SIM2: variants seen among roughly 807,000 people sequenced by gnomAD.
The protein encoded by SIM2 is SIM bHLH transcription factor 2, also known as single-minded homolog 2.
In SIM2, 28 loss-of-function variants were observed where a neutral mutation model predicts 64.8. The observed-to-expected ratio is 0.43, with a 90% CI of 0.32 to 0.59. SIM2 has a LOEUF of 0.59. Ranked by LOEUF, SIM2 falls within the 20% of genes least tolerant of loss-of-function variation. The probability of loss-of-function intolerance (pLI) is 0.07; values close to 1 mark genes in which losing one functional copy is unlikely to be tolerated. For synonymous variants in SIM2, 408 were observed against 391.1 expected (o/e 1.04, Z -0.51); for missense variants, 847 against 871.4 (o/e 0.97, Z 0.35).
intron 6 of SIM2, among the ~76,000 whole-genome samples, chr21:36,727,381 T>G (rs2123466529): frequency 6.6e-6 from 1 of 152,278 alleles, no homozygotes; most frequent in South Asian, 2.1e-4. Flanking sequence ...CTGCGTTTGG[T>G]TTTCAGGGTT....
chr21:36,732,502 C>T (rs1051877993), intron 7 of SIM2, among the ~76,000 whole-genome samples: 3 of 152,162 alleles, frequency 2.0e-5, no homozygotes, highest in Admixed American at 1.3e-4. Flanking sequence ...CCCGGGAACT[C>T]GATACTCCCA....
At chr21:36,722,681 T>TCA (rs1218531484) in intron 4 of SIM2, among the ~76,000 whole-genome samples, 2 of 152,116 alleles carry the variant, frequency 1.3e-5, no homozygotes, top group African/African-American at 2.4e-5. Flanking sequence ...AAGCCTTGGG[T>TCA]CACACACACT....
At chr21:36,704,400 C>A (rs1035103620) in intron 1 of SIM2, among the ~76,000 whole-genome samples, 7 of 152,252 alleles carry the variant, frequency 4.6e-5, no homozygotes, top group Admixed American at 2.0e-4. Flanking sequence ...TTTTTTACAA[C>A]GCTTTCCCCG....
At chr21:36,703,771 C>A (rs1430903335) in intron 1 of SIM2, among the ~76,000 whole-genome samples, 1 of 152,226 alleles carries the variant, frequency 6.6e-6, no homozygotes, top group Admixed American at 6.5e-5. Context: ...TGTGGCCCTC[C>A]GTTCTGGAGA....
At chr21:36,700,461 T>C (rs2123399880) in intron 1 of SIM2, among the ~76,000 whole-genome samples, 1 of 152,092 alleles carries the variant, frequency 6.6e-6, no homozygotes, top group South Asian at 2.1e-4. Context: ...TTCCTTTCTT[T>C]GGAAGTTCAC....
chr21:36,746,240 G>A (rs148645539), intron 10 of SIM2: 272 of 175,306 alleles, frequency 1.6e-3, no homozygotes, highest in African/African-American at 5.7e-3. Context: ...ACTTGAACCC[G>A]GGAGGTGGAG....
intron 2 of SIM2, chr21:36,709,570 G>T (rs1450148697): frequency 2.0e-6 from 1 of 492,680 alleles, no homozygotes; most frequent in African/African-American, 2.0e-5. Context: ...CCCTCAGCAG[G>T]TTCCACCCAG....
intron 2 of SIM2, among the ~76,000 whole-genome samples, chr21:36,711,328 A>AT (rs2088674683): frequency 6.6e-6 from 1 of 152,212 alleles, no homozygotes; most frequent in Non-Finnish European, 1.5e-5. Flanking sequence ...TATAGTATAT[A>AT]TTTTTGGAAC....
intron 1 of SIM2, among the ~76,000 whole-genome samples, chr21:36,706,221 G>A (rs759415432): frequency 6.6e-6 from 1 of 152,214 alleles, no homozygotes. Flanking sequence ...AGGTGCTGGG[G>A]CCAGGGAGGA....
chr21:36,728,871 C>T (rs1359071368), intron 6 of SIM2, among the ~76,000 whole-genome samples: 2 of 152,272 alleles, frequency 1.3e-5, no homozygotes, highest in Non-Finnish European at 2.9e-5. Context: ...TCTGGCGCCA[C>T]ACCCCGCACA....
intron 3 of SIM2, among the ~76,000 whole-genome samples, chr21:36,714,585 C>A (rs1010316195): frequency 6.6e-6 from 1 of 152,120 alleles, no homozygotes; most frequent in African/African-American, 2.4e-5. Flanking sequence ...TCCAGGCATA[C>A]CCACAGTTTC....
chr21:36,722,892 A>G (rs1258209166), intron 4 of SIM2, among the ~76,000 whole-genome samples, 153 bp from the exon 5 acceptor site: 1 of 152,112 alleles, frequency 6.6e-6, no homozygotes, highest in Non-Finnish European at 1.5e-5. Context: ...CCCAGATCTC[A>G]GCCAAGGCCG....
chr21:36,746,098 C>A, intron 10 of SIM2: 1 of 674,930 alleles, frequency 1.5e-6, no homozygotes. Context: ...GGCGGATCAC[C>A]TGAGGTCAGG....
Position 36,748,265 on chromosome 21 carries a change from G to A in SIM2, c.*173G>A, listed in dbSNP as rs2089263405. On this transcript the variant is annotated 3_prime_UTR_variant, in exon 11 of 11. Transcript: ENST00000290399. The stretch of plus-strand genomic sequence containing the variant: ...CGGAGGCCCCGCGCGCCGGTGCCGA[G>A]GGCCGAGGAGCGCCCGGGTCCGGGC... The A allele has an allele frequency of 6.7e-6, 2 of 296,484 alleles. No individual in the cohort carries two copies. The highest frequency in any genetic ancestry group is 1.1e-5 in the Non-Finnish European group (2 of 180,074). 18.4% of individuals were successfully genotyped at this position (296,484 alleles called of 1,614,324 possible).
chr21:36,732,248 T>C (rs2088980116), intron 7 of SIM2, among the ~76,000 whole-genome samples: 1 of 152,246 alleles, frequency 6.6e-6, no homozygotes, highest in Non-Finnish European at 1.5e-5. Context: ...CTCATCCTCC[T>C]GCTGTCCAGC....
intron 1 of SIM2, among the ~76,000 whole-genome samples, chr21:36,708,699 C>T (rs533152579): frequency 6.6e-6 from 1 of 151,854 alleles, no homozygotes; most frequent in Non-Finnish European, 1.5e-5. Flanking sequence ...CTCAGCCTGT[C>T]TGCCTTTGGG....
intron 7 of SIM2, among the ~76,000 whole-genome samples, chr21:36,737,796 C>T (rs1413000263): frequency 6.6e-6 from 1 of 151,688 alleles, no homozygotes; most frequent in Non-Finnish European, 1.5e-5. Flanking sequence ...CCCGTCTCTA[C>T]TAAACAATAC....
At position 36,748,264 on chromosome 21, in the gene SIM2, A is replaced by T; in HGVS notation, c.*172A>T. 3.5e-6 allele frequency: 1 copy of T among 282,550 alleles called. No individual in the cohort carries two copies. 17.5% of individuals were successfully genotyped at this position (282,550 alleles called of 1,614,324 possible). Reference sequence around the variant, plus strand: ...GCGGAGGCCCCGCGCGCCGGTGCCGAGGGCCGAGGAGCGCCCGGGTCCGGG... The same window carrying T: ...GCGGAGGCCCCGCGCGCCGGTGCCGTGGGCCGAGGAGCGCCCGGGTCCGGG... On this transcript the variant is annotated 3_prime_UTR_variant, in exon 11 of 11. Transcript: ENST00000290399.
rs188323907 is a variant in SIM2, at chr21:36,723,215, G to A, written c.543+85G>A. The A allele has an allele frequency of 6.5e-4, 725 of 1,115,688 alleles. 1 individual carries two copies. The highest frequency in any genetic ancestry group is 1.6e-3 in the Admixed American group (96 of 58,916). 69.1% of individuals were successfully genotyped at this position (1,115,688 alleles called of 1,614,324 possible). On this transcript the variant is annotated intron_variant, in intron 5 of 10. Coordinates refer to ENST00000290399, the MANE Select transcript of SIM2 (RefSeq NM_005069.6). ...AGAGCGTCTGCAGAAAGGAAGGCACGGGAGCACAAACTCGTCATCCCCACT... is the reference window on the plus strand; with the variant it reads ...AGAGCGTCTGCAGAAAGGAAGGCACAGGAGCACAAACTCGTCATCCCCACT...
Sources: gnomAD v4.1 joint callset for allele counts (sites outside exome capture counted in the v4.1 genomes callset) on GRCh38, gnomAD v4.1.1 for gene constraint, MANE v1.5 for transcripts, NCBI Gene and HGNC (gene_info 2026-07-23, HGNC 2026-07-21) for gene names.